Variants in SPTLC2 observed in about 807,000 individuals in gnomAD.
SPTLC2 encodes the protein serine palmitoyltransferase long chain base subunit 2.
SPTLC2 carries 21 observed loss-of-function variants against 62.0 expected under a neutral mutation model. The ratio of observed to expected loss-of-function variants is 0.34; its 90% CI spans 0.24 to 0.49. The LOEUF (loss-of-function observed/expected upper bound fraction) is 0.49. SPTLC2 is among the 20% of genes least tolerant of loss of function. SPTLC2 has a pLI of 0.99. For synonymous variants in SPTLC2, 261 were observed against 261.8 expected (o/e 1.00, Z 0.03); for missense variants, 511 against 713.0 (o/e 0.72, Z 3.23).
intron 9 of SPTLC2, among the ~76,000 whole-genome samples, chr14:77,523,571 T>C (rs2079394970): frequency 6.6e-6 from 1 of 152,148 alleles, no homozygotes; most frequent in African/African-American, 2.4e-5. Flanking sequence ...GAAAAGAAAC[T>C]AGCAGAGGCT....
intron 2 of SPTLC2, among the ~76,000 whole-genome samples, chr14:77,592,756 C>T (rs1168429453): frequency 3.3e-5 from 5 of 152,086 alleles, no homozygotes; most frequent in Non-Finnish European, 7.4e-5. Context: ...TCTTCCTACC[C>T]ACCACAAGTG....
intron 11 of SPTLC2, among the ~76,000 whole-genome samples, chr14:77,513,083 T>A (rs2079341427): frequency 1.6e-5 from 2 of 127,756 alleles, no homozygotes; most frequent in African/African-American, 5.7e-5. Context: ...TGGAGTACAG[T>A]GGCACCATCT....
Position 77,512,045 on chromosome 14 carries a change from C to G in SPTLC2, c.*239G>C. ...CAAAATAAAATGTTTTTTTAATGGA[C>G]TGAAAAAGCAAAGTGAGTCACCTTC... On this transcript the variant is annotated 3_prime_UTR_variant, in exon 12 of 12. Transcript: ENST00000216484. 3.6e-6 allele frequency: 2 copies of G among 555,880 alleles called. No homozygotes were observed. Among genetic ancestry groups the G allele is most frequent in the East Asian group, 6.4e-5 (2 of 31,154 alleles). 34.4% of individuals were successfully genotyped at this position (555,880 alleles called of 1,614,324 possible).
At chr14:77,528,834 T>C (rs897434845) in intron 9 of SPTLC2, among the ~76,000 whole-genome samples, 1 of 152,144 alleles carries the variant, frequency 6.6e-6, no homozygotes, top group African/African-American at 2.4e-5. Flanking sequence ...TTATTTTTGT[T>C]ATTTTTTGTT....
intron 9 of SPTLC2, among the ~76,000 whole-genome samples, chr14:77,533,592 G>A (rs556669973): frequency 4.6e-5 from 7 of 152,328 alleles, no homozygotes; most frequent in African/African-American, 1.4e-4. Context: ...GGCTTACGAT[G>A]TTCCAGAGCT....
rs2079384034 is a variant in SPTLC2 at position 77,521,376 on chromosome 14, C to T, written c.1439+70G>A. On this transcript the variant is annotated intron_variant, in intron 10 of 11. Coordinates refer to ENST00000216484, the MANE Select transcript of SPTLC2 (RefSeq NM_004863.4). Reference sequence around the variant, plus strand: ...CAAGACCATTTTCCCTAACAAAATACATAAGCCCTGGTCTCACATCACAGA... The same window carrying T: ...CAAGACCATTTTCCCTAACAAAATATATAAGCCCTGGTCTCACATCACAGA... The T allele has an allele frequency of 5.0e-6, 8 of 1,597,120 alleles. No individual in the cohort carries two copies. The Admixed American group carries it at 1.0e-4, about 20-fold the overall frequency.
intron 2 of SPTLC2, among the ~76,000 whole-genome samples, chr14:77,591,252 T>C (rs1029413896): frequency 6.6e-6 from 1 of 152,106 alleles, no homozygotes; most frequent in African/African-American, 2.4e-5. Flanking sequence ...ACATGAAACA[T>C]CCATTTATAT....
chr14:77,570,236 A>AG (rs917131342), intron 5 of SPTLC2, 148 bp downstream of exon 5: 10 of 1,167,218 alleles, frequency 8.6e-6, no homozygotes, highest in African/African-American at 7.9e-5. Flanking sequence ...AAAAAAAAAA[A>AG]AAAAGAAAAA....
intron 9 of SPTLC2, among the ~76,000 whole-genome samples, chr14:77,537,481 C>A (rs1235745163): frequency 6.6e-6 from 1 of 152,096 alleles, no homozygotes; most frequent in African/African-American, 2.4e-5. Flanking sequence ...CCTAGTAACT[C>A]CCCCAAGAAC....
At chr14:77,534,040 C>T (rs779051461) in intron 9 of SPTLC2, among the ~76,000 whole-genome samples, 53 of 151,962 alleles carry the variant, frequency 3.5e-4, no homozygotes, top group South Asian at 6.2e-4. Flanking sequence ...CGCCTGTGGT[C>T]CCAACTACTT....
intron 9 of SPTLC2, among the ~76,000 whole-genome samples, chr14:77,541,286 C>A (rs1314162277): frequency 6.6e-6 from 1 of 152,110 alleles, no homozygotes; most frequent in Non-Finnish European, 1.5e-5. Flanking sequence ...GTGATCCACC[C>A]GTCTTGGCCT....
chr14:77,581,402 TCTC>T (rs2079749693), intron 2 of SPTLC2, among the ~76,000 whole-genome samples: 1 of 118,866 alleles, frequency 8.4e-6, no homozygotes, highest in East Asian at 2.3e-4. Flanking sequence ...TGATACCATC[TCTC>T]TTTTTTTTTT....
chr14:77,579,027 G>A lies in SPTLC2; in HGVS notation c.410C>T (p.Pro137Leu). 6.2e-7 allele frequency: 1 copy of A among 1,614,056 alleles called. No homozygotes were observed. Among genetic ancestry groups the A allele is most frequent in the Non-Finnish European group, 8.5e-7 (1 of 1,180,006 alleles). Residue 137 changes from proline to leucine, a missense_variant, in exon 3 of 12, where the codon CCA becomes CTA. Physicochemically the swap from Pro to Leu is moderately conservative, Grantham distance 98. Transcript: ENST00000216484. ...YMRIRDNWNRPICSVPGARVD... is the reference protein window; with the variant it reads ...YMRIRDNWNRLICSVPGARVD... ...CCTGGCTCCAGGCACACTACAGATT[G>A]GCCGATTCCAGTTGTCTCTTATCCT...
At chr14:77,524,025 G>T (rs1482992850) in intron 9 of SPTLC2, among the ~76,000 whole-genome samples, 1 of 152,056 alleles carries the variant, frequency 6.6e-6, no homozygotes, top group Non-Finnish European at 1.5e-5. Context: ...GATGTTAAAG[G>T]CCATTATAAA....
At chr14:77,519,851 T>C (rs2079377456) in intron 10 of SPTLC2, among the ~76,000 whole-genome samples, 1 of 152,180 alleles carries the variant, frequency 6.6e-6, no homozygotes, top group South Asian at 2.1e-4. Flanking sequence ...TCCCAAACTG[T>C]CTAGTGCCTT....
intron 1 of SPTLC2, among the ~76,000 whole-genome samples, chr14:77,612,334 T>G (rs1437734807): frequency 6.6e-6 from 1 of 152,238 alleles, no homozygotes; most frequent in Non-Finnish European, 1.5e-5. Flanking sequence ...CTGAACATCC[T>G]AGTTCTAAAA....
At chr14:77,578,719 CA>C (rs2079731067) in intron 3 of SPTLC2, 3 of 425,156 alleles carry the variant, frequency 7.1e-6, no homozygotes, top group East Asian at 5.0e-5. Context: ...AACTCCATCT[CA>C]AAAAATAAAT....
chr14:77,594,461 CCT>C (rs2079835009), intron 2 of SPTLC2, among the ~76,000 whole-genome samples: 2 of 152,278 alleles, frequency 1.3e-5, no homozygotes, highest in South Asian at 2.1e-4. Context: ...TGAAAAATCC[CCT>C]GATCAAAAAC....
chr14:77,588,996 C>CAAAAAAAAA (rs60536883), intron 2 of SPTLC2, among the ~76,000 whole-genome samples: 4 of 74,612 alleles, frequency 5.4e-5, no homozygotes, highest in Non-Finnish European at 7.2e-5. Flanking sequence ...GACCTTGTCT[C>CAAAAAAAAA]AAAAAAAAAA....
Sources: gnomAD v4.1 joint callset for allele counts (sites outside exome capture counted in the v4.1 genomes callset) on GRCh38, gnomAD v4.1.1 for gene constraint, MANE v1.5 for transcripts, NCBI Gene and HGNC (gene_info 2026-07-23, HGNC 2026-07-21) for gene names.